Variants in RIMS1 observed in about 807,000 individuals in gnomAD.
RIMS1 encodes the protein regulating synaptic membrane exocytosis protein 1.
Under a neutral mutation model 214.1 loss-of-function variants are expected in RIMS1, and 83 were observed. That is an observed-to-expected ratio of 0.39 (90% CI 0.32 to 0.47). The LOEUF (loss-of-function observed/expected upper bound fraction) is 0.47. Ranked by LOEUF, RIMS1 falls within the 20% of genes least tolerant of loss-of-function variation. The pLI is 0.99. For missense variants in RIMS1, 2,050 were observed against 2,161.8 expected, an observed-to-expected ratio of 0.95 and a Z score of 1.03; for synonymous variants, 793 against 786.8, an observed-to-expected ratio of 1.01 and a Z score of -0.13.
intron 6 of RIMS1, among the ~76,000 whole-genome samples, chr6:72,215,876 T>A (rs1243391999): frequency 6.6e-6 from 1 of 151,768 alleles, no homozygotes; most frequent in African/African-American, 2.4e-5. Flanking sequence ...TCAGTTTTAA[T>A]TTTTTTTCTC....
At chr6:72,186,185 C>CAACCCCT (rs1434263411) in intron 6 of RIMS1, among the ~76,000 whole-genome samples, 1 of 152,192 alleles carries the variant, frequency 6.6e-6, no homozygotes, top group African/African-American at 2.4e-5. Context: ...ACTTGGGGGT[C>CAACCCCT]AACCCCTAAC....
At chr6:72,116,715 T>C (rs1333515177) in intron 4 of RIMS1, among the ~76,000 whole-genome samples, 2 of 152,018 alleles carry the variant, frequency 1.3e-5, no homozygotes, top group African/African-American at 4.8e-5. Context: ...GATGTGGCCA[T>C]GATCCAATAA....
At chr6:72,216,590 C>G (rs1234403202) in intron 6 of RIMS1, 2 of 985,416 alleles carry the variant, frequency 2.0e-6, no homozygotes, top group African/African-American at 3.5e-5. Context: ...TTACACAGGG[C>G]TTGGCAGGAC....
intron 1 of RIMS1, among the ~76,000 whole-genome samples, chr6:71,938,547 C>A (rs1583054876): frequency 1.3e-5 from 2 of 152,132 alleles, no homozygotes. Flanking sequence ...CTTGTATCTT[C>A]CAGAGTGGCA....
chr6:72,083,928 C>T (rs530016837), intron 2 of RIMS1, among the ~76,000 whole-genome samples: 1 of 152,138 alleles, frequency 6.6e-6, no homozygotes, highest in African/African-American at 2.4e-5. Flanking sequence ...TTAATTCCTT[C>T]CAAAAAGTGT....
intron 2 of RIMS1, among the ~76,000 whole-genome samples, chr6:72,050,180 G>C (rs945236231): frequency 6.6e-6 from 1 of 152,144 alleles, no homozygotes; most frequent in East Asian, 1.9e-4. Flanking sequence ...ACAGACCTGT[G>C]TAGTGTTCTT....
At chr6:72,051,809 C>G (rs1017139393) in intron 2 of RIMS1, among the ~76,000 whole-genome samples, 1 of 152,060 alleles carries the variant, frequency 6.6e-6, no homozygotes, top group African/African-American at 2.4e-5. Context: ...GTCTAATTAA[C>G]TACAAAAGTG....
At chr6:71,944,415 C>T (rs367991341) in intron 1 of RIMS1, among the ~76,000 whole-genome samples, 134 of 152,202 alleles carry the variant, frequency 8.8e-4, no homozygotes, top group African/African-American at 2.7e-3. Context: ...GAGGACAAGC[C>T]GGCACTTGTC....
intron 1 of RIMS1, among the ~76,000 whole-genome samples, chr6:71,934,567 C>G (rs1432089300): frequency 6.6e-6 from 1 of 152,078 alleles, no homozygotes; most frequent in Admixed American, 6.6e-5. Flanking sequence ...GAGATAAATA[C>G]AGTAGTTCAC....
intron 26 of RIMS1, among the ~76,000 whole-genome samples, chr6:72,300,389 A>T (rs948725431): frequency 6.6e-6 from 1 of 151,802 alleles, no homozygotes; most frequent in African/African-American, 2.4e-5. Flanking sequence ...AAATATTGTA[A>T]AACACAGGAA....
chr6:71,958,751 A>G (rs1458978477), intron 1 of RIMS1, among the ~76,000 whole-genome samples: 1 of 152,126 alleles, frequency 6.6e-6, no homozygotes, highest in Non-Finnish European at 1.5e-5. Context: ...CATAAAAATG[A>G]CAGCCCTATC....
At chr6:72,179,067 TTTC>T in intron 4 of RIMS1, among the ~76,000 whole-genome samples, 1 of 152,242 alleles carries the variant, frequency 6.6e-6, no homozygotes, top group Admixed American at 6.5e-5. Flanking sequence ...ACTTTGTATG[TTTC>T]TTCTATGTGA....
rs373917034 is a variant in RIMS1, at chr6:72,290,838, G to A, written c.3714G>A (p.Ala1238=). Reference sequence around the variant, plus strand: ...ACCACCTTGTCCCTGGAGGGTCGGCGCCACCTTCTCCGCTTCTGACAAGGT... The same window carrying A: ...ACCACCTTGTCCCTGGAGGGTCGGCACCACCTTCTCCGCTTCTGACAAGGT... ...SMHHLVPGGS[A]PPSPLLTRMH... is the part of the protein sequence containing the mutation. The change falls in exon 25 of 34, where the codon GCG becomes GCA. Residue 1238 remains alanine, a synonymous_variant. Coordinates refer to ENST00000521978, the MANE Select transcript of RIMS1 (RefSeq NM_014989.7). 24 of 1,612,558 alleles carry A rather than the reference G, an allele frequency of 1.5e-5. No homozygotes were observed. Among genetic ancestry groups the A allele is most frequent in the African/African-American group, 5.3e-5 (4 of 74,840 alleles).
intron 29 of RIMS1, among the ~76,000 whole-genome samples, chr6:72,337,601 A>T (rs2096886823): frequency 6.6e-6 from 1 of 151,166 alleles, no homozygotes; most frequent in Non-Finnish European, 1.5e-5. Context: ...TTTATTTTTT[A>T]AATTATACTT....
chr6:72,046,511 G>A (rs1335614821), intron 2 of RIMS1, among the ~76,000 whole-genome samples: 1 of 152,064 alleles, frequency 6.6e-6, no homozygotes, highest in African/African-American at 2.4e-5. Context: ...CCACACAGAA[G>A]GATGGGAACG....
At chr6:72,252,023 T>C (rs771209866) in intron 15 of RIMS1, among the ~76,000 whole-genome samples, 4 of 152,222 alleles carry the variant, frequency 2.6e-5, no homozygotes, top group Non-Finnish European at 5.9e-5. Flanking sequence ...AGTTCATAGA[T>C]ATTTTAATAG....
At chr6:72,363,399 A>C (rs1331140108) in intron 29 of RIMS1, among the ~76,000 whole-genome samples, 1 of 152,186 alleles carries the variant, frequency 6.6e-6, no homozygotes, top group Admixed American at 6.5e-5. Flanking sequence ...GTAGAATGCC[A>C]TTGAAGGGTT....
chr6:72,349,464 A>G (rs1237473873), intron 29 of RIMS1, among the ~76,000 whole-genome samples: 3 of 152,028 alleles, frequency 2.0e-5, no homozygotes, highest in Admixed American at 6.6e-5. Flanking sequence ...GCATTGAAAC[A>G]CTGCTATATC....
At position 72,401,984 on chromosome 6, in the gene RIMS1, GT is replaced by G. The variant is rs2098837954; in HGVS notation, c.*1273del. ...AACTTTCAATTTGCATTTTCATTTA[GT>G]TTCTCTTGGCCTTGAATTTCCCTTG... On this transcript the variant is annotated 3_prime_UTR_variant, in exon 34 of 34. Transcript: ENST00000521978. 6.6e-6 allele frequency: 1 copy of G among 152,474 alleles called. No individual in the cohort carries two copies. Among genetic ancestry groups the G allele is most frequent in the South Asian group, 2.1e-4 (1 of 4,828 alleles). 9.4% of individuals were successfully genotyped at this position (152,474 alleles called of 1,614,324 possible).
Sources: gnomAD v4.1 joint callset for allele counts (sites outside exome capture counted in the v4.1 genomes callset) on GRCh38, gnomAD v4.1.1 for gene constraint, MANE v1.5 for transcripts, NCBI Gene and HGNC (gene_info 2026-07-23, HGNC 2026-07-21) for gene names.